The following PKHD1L1 variants were observed in gnomAD, a reference collection of about 807,000 sequenced individuals.
PKHD1L1 encodes fibrocystin-L.
PKHD1L1 carries 434 observed loss-of-function variants against 462.9 expected under a neutral mutation model. The ratio of observed to expected loss-of-function variants is 0.94; its 90% CI spans 0.87 to 1.02. The LOEUF (loss-of-function observed/expected upper bound fraction) is 1.02. Among genes scored for constraint, PKHD1L1 ranks in the 50% least tolerant of loss-of-function variants. PKHD1L1 has a pLI of 0.00. For missense variants in PKHD1L1, 5,202 were observed against 5,096.1 expected, an observed-to-expected ratio of 1.02 and a Z score of -0.63; for synonymous variants, 1,781 against 1,750.0, an observed-to-expected ratio of 1.02 and a Z score of -0.44.
chr8:109,505,736 A>T (rs1361137539), intron 68 of PKHD1L1, among the ~76,000 whole-genome samples: 1 of 151,552 alleles, frequency 6.6e-6, no homozygotes, highest in Non-Finnish European at 1.5e-5. Flanking sequence ...CCATCTCTAC[A>T]AAAAATTAAA....
intron 67 of PKHD1L1, among the ~76,000 whole-genome samples, chr8:109,502,132 TATGTAATACATCCA>T (rs935139580): frequency 6.6e-6 from 1 of 152,130 alleles, no homozygotes; most frequent in Non-Finnish European, 1.5e-5. Context: ...GCATTGGAAT[TATGTAATACATCCA>T]ATATAATACA....
chr8:109,481,117 GTATATTTTACATA>G (rs1315011359), intron 55 of PKHD1L1, among the ~76,000 whole-genome samples: 1 of 151,844 alleles, frequency 6.6e-6, no homozygotes, highest in Non-Finnish European at 1.5e-5. Context: ...AGCGTAAAGA[GTATATTTTACATA>G]TAGGATATTA....
chr8:109,507,154 A>G (rs928912374), intron 68 of PKHD1L1, among the ~76,000 whole-genome samples: 4 of 152,208 alleles, frequency 2.6e-5, no homozygotes, highest in African/African-American at 9.6e-5. Context: ...AAAGATTAGT[A>G]TAGGAAGGTG....
intron 22 of PKHD1L1, among the ~76,000 whole-genome samples, chr8:109,419,958 G>C (rs1159899412): frequency 6.6e-6 from 1 of 151,410 alleles, no homozygotes; most frequent in Non-Finnish European, 1.5e-5. Flanking sequence ...CACTCCTTTT[G>C]AATCTGCTGT....
chr8:109,493,015 C>G (rs1326901171), intron 62 of PKHD1L1, among the ~76,000 whole-genome samples: 1 of 151,408 alleles, frequency 6.6e-6, no homozygotes, highest in Admixed American at 6.6e-5. Context: ...CTTAGTTGTC[C>G]TTTTTTAAAT....
rs533469873 is a variant in PKHD1L1, at chr8:109,461,846, G to T, written c.7321G>T (p.Val2441Phe). 1 of 1,606,656 alleles carries T rather than the reference G, an allele frequency of 6.2e-7. No individual in the cohort carries two copies. Among genetic ancestry groups the T allele is most frequent in the African/African-American group, 1.3e-5 (1 of 74,926 alleles). ...EIGSDQFGGC[V>F]MFHAPVPGAN... is the part of the protein sequence containing the mutation. ...AGGAAGTGACCAATTTGGAGGCTGC[G>T]TTATGTTTCATGCTCCTGTACCTGG... is the stretch of plus-strand genomic sequence containing the variant. The change falls in exon 48 of 78, where the codon GTT becomes TTT. Residue 2441 changes from valine to phenylalanine, a missense_variant. Val to Phe is a conservative substitution (Grantham distance 50). Transcript: ENST00000378402.
At chr8:109,402,429 G>T (rs749078480) in intron 14 of PKHD1L1, among the ~76,000 whole-genome samples, 16 of 152,138 alleles carry the variant, frequency 1.1e-4, no homozygotes, top group Non-Finnish European at 2.4e-4. Flanking sequence ...AGCAGGCATG[G>T]TTGAGTCTTA....
intron 38 of PKHD1L1, among the ~76,000 whole-genome samples, chr8:109,446,562 A>G (rs1816152897): frequency 6.6e-6 from 1 of 152,170 alleles, no homozygotes; most frequent in African/African-American, 2.4e-5. Flanking sequence ...AGTAAGTAGT[A>G]TTTTCTGCCT....
chr8:109,385,743 G>GT, intron 6 of PKHD1L1, 113 bp downstream of exon 6: 4 of 578,924 alleles, frequency 6.9e-6, no homozygotes, highest in Non-Finnish European at 1.1e-5. Context: ...TAACTAACCA[G>GT]TGTTTTTTTT....
intron 71 of PKHD1L1, among the ~76,000 whole-genome samples, chr8:109,512,021 T>C (rs967629261): frequency 2.4e-4 from 36 of 152,288 alleles, no homozygotes; most frequent in Admixed American, 3.9e-4. Flanking sequence ...TCATGTCCTT[T>C]GCCCACTTTT....
chr8:109,482,867 C>A, intron 56 of PKHD1L1, 120 bp from the exon 57 acceptor site: 1 of 615,722 alleles, frequency 1.6e-6, no homozygotes, highest in Non-Finnish European at 2.6e-6. Flanking sequence ...CCAATTCATT[C>A]CTTTTGTTCT....
chr8:109,452,649 T>A (rs1253364542), intron 42 of PKHD1L1, 69 bp from the exon 43 acceptor site: 6 of 1,099,890 alleles, frequency 5.5e-6, no homozygotes, highest in Admixed American at 4.1e-5. Flanking sequence ...ATAAAATGCT[T>A]TTTGAAAAAT....
rs761367383 is a variant in PKHD1L1 at position 109,485,130 on chromosome 8, T to A, written c.9663T>A (p.His3221Gln). 1 of 1,598,096 alleles carries A rather than the reference T, an allele frequency of 6.3e-7. No homozygotes were observed. Among genetic ancestry groups the A allele is most frequent in the East Asian group, 2.3e-5 (1 of 44,354 alleles). ...TRSIVKILHDHKILILNDSLS... is the reference protein window; with the variant it reads ...TRSIVKILHDQKILILNDSLS... ...GTATCGTTAAAATCCTGCATGATCATAAAATTCTCATTCTTAATGATAGCC... is the reference window on the plus strand; with the variant it reads ...GTATCGTTAAAATCCTGCATGATCAAAAAATTCTCATTCTTAATGATAGCC... Residue 3221 changes from histidine (H) to glutamine (Q), a missense_variant, in exon 58 of 78, where the codon CAT (histidine) becomes CAA (glutamine). This residue lies in a region of PKHD1L1 where 4,497 missense variants were observed against 4,336.8 expected (regional missense o/e 1.04). Coordinates refer to ENST00000378402, the MANE Select transcript of PKHD1L1 (RefSeq NM_177531.6).
rs1270981034 is a variant in PKHD1L1, at chr8:109,531,795, C to G, written c.*1705C>G. On this transcript the variant is annotated 3_prime_UTR_variant, in exon 78 of 78. Transcript: ENST00000378402. ...TACTTCATTGTACAGCACCAGGTAA[C>G]AGAGCACTTTTATACTCCCCTCAGT... 1.3e-5 allele frequency among the ~76,000 whole-genome samples: 2 copies of G among 152,108 alleles called. No individual in the cohort carries two copies. Among genetic ancestry groups the G allele is most frequent in the Non-Finnish European group, 2.9e-5 (2 of 68,032 alleles).
rs780489047 is a variant in PKHD1L1, at chr8:109,385,524, T to A, written c.476-13T>A. 19 of 1,535,142 alleles carry A rather than the reference T, an allele frequency of 1.2e-5. No homozygotes were observed. The highest frequency in any genetic ancestry group is 3.7e-5 in the Admixed American group (2 of 54,084). ...TTACACAGAATCTTTTTGGGGTTTT[T>A]GTTTGTTTTCAGGTACACTAATAAC... is the stretch of plus-strand genomic sequence containing the variant. On this transcript the variant is annotated splice_polypyrimidine_tract_variant and intron_variant, in intron 5 of 77. Transcript: ENST00000378402.
Position 109,445,641 on chromosome 8 carries a change from C to G in PKHD1L1, c.5772C>G (p.Ser1924Arg). ...DTPFLRGIIP[S>R]RGPPGTEIEI... ...CATTTCTCAGAGGAATTATCCCAAGCAGAGGTACTCCAATATCTGCCTTAT... is the reference window on the plus strand; with the variant it reads ...CATTTCTCAGAGGAATTATCCCAAGGAGAGGTACTCCAATATCTGCCTTAT... The change falls in exon 38 of 78, where the codon AGC becomes AGG. Residue 1924 changes from serine (S) to arginine (R), a missense_variant. This residue lies in a region of PKHD1L1 where 4,497 missense variants were observed against 4,336.8 expected (regional missense o/e 1.04). Transcript: ENST00000378402. 6.2e-7 allele frequency: 1 copy of G among 1,600,186 alleles called. No individual in the cohort carries two copies. Among genetic ancestry groups the G allele is most frequent in the East Asian group, 2.2e-5 (1 of 44,742 alleles).
In PKHD1L1 at chr8:109,515,179, G is replaced by A. The variant is rs779450188; in HGVS notation, c.11563G>A (p.Val3855Ile). The A allele has an allele frequency of 6.3e-7, 1 of 1,587,806 alleles. No individual in the cohort carries two copies. The highest frequency in any genetic ancestry group is 1.7e-4 in the Middle Eastern group (1 of 5,950). ...LNVDHNKAVL[V>I]GIFFSTLQRL... ...TTTTTTTCTTTAATAGGCTGTTCTA[G>A]TAGGAATTTTCTTTTCCACACTTCA... The change falls in exon 72 of 78, where the codon GTA (valine) becomes ATA (isoleucine). Residue 3855 changes from valine to isoleucine, a missense_variant. This residue lies in a region of PKHD1L1 where 698 missense variants were observed against 736.3 expected (regional missense o/e 0.95). Coordinates refer to ENST00000378402, the MANE Select transcript of PKHD1L1 (RefSeq NM_177531.6).
intron 56 of PKHD1L1, 146 bp downstream of exon 56, chr8:109,481,708 A>C: frequency 1.3e-6 from 1 of 784,718 alleles, no homozygotes; most frequent in Admixed American, 4.3e-5. Context: ...AAGTTTTTAC[A>C]GAAATTTATT....
chr8:109,479,003 G>A (rs544633440), intron 53 of PKHD1L1, among the ~76,000 whole-genome samples: 8 of 152,172 alleles, frequency 5.3e-5, no homozygotes, highest in South Asian at 2.1e-4. Flanking sequence ...TTTGTTGATC[G>A]TAACATGGCA....
Sources: gnomAD v4.1 joint callset for allele counts (sites outside exome capture counted in the v4.1 genomes callset) on GRCh38, gnomAD v4.1.1 for gene constraint, gnomAD v4.1.1 regional missense constraint, MANE v1.5 for transcripts, NCBI Gene and HGNC (gene_info 2026-07-23, HGNC 2026-07-21) for gene names.